The following RFWD3 variants were observed in gnomAD, a reference collection of about 807,000 sequenced individuals.
RFWD3 encodes the protein E3 ubiquitin-protein ligase RFWD3.
In RFWD3, 65 loss-of-function variants were observed where a neutral mutation model predicts 87.7. The observed-to-expected ratio is 0.74, with a 90% CI of 0.61 to 0.91. The LOEUF is 0.91. RFWD3 is among the 40% of genes least tolerant of loss of function. The pLI is 0.00. For synonymous variants in RFWD3, 433 were observed against 352.8 expected (o/e 1.23, Z -2.55); for missense variants, 1,078 against 938.5 (o/e 1.15, Z -1.94).
chr16:74,665,635 T>C (rs1287196728), intron 1 of RFWD3, among the ~76,000 whole-genome samples: 2 of 152,082 alleles, frequency 1.3e-5, no homozygotes, highest in African/African-American at 4.8e-5. Flanking sequence ...GGCGCGCACC[T>C]GTGGTCCCAG....
intron 8 of RFWD3, among the ~76,000 whole-genome samples, chr16:74,635,094 C>T (rs1262883815): frequency 6.6e-6 from 1 of 152,006 alleles, no homozygotes; most frequent in Admixed American, 6.6e-5. Context: ...TCCTGGCTAA[C>T]ACGGTGAAAC....
At position 74,644,377 on chromosome 16, in the gene RFWD3, T is replaced by C; in HGVS notation, c.1064A>G (p.Gln355Arg). 2.5e-6 allele frequency: 4 copies of C among 1,614,188 alleles called. No homozygotes were observed. Among genetic ancestry groups the C allele is most frequent in the Non-Finnish European group, 2.5e-6 (3 of 1,180,032 alleles). Residue 355 changes from glutamine (Q) to arginine (R), a missense_variant, in exon 6 of 13, where the codon CAG (glutamine) becomes CGG (arginine). Physicochemically the swap from Gln to Arg is conservative, Grantham distance 43. Coordinates refer to ENST00000361070, the MANE Select transcript of RFWD3 (RefSeq NM_018124.4). ...TACCACCTACCTTTTCATGCGCTCC[T>C]GTTCACTAGTGTCCAAAGCTCTCAG... ...RTLRALDTSE[Q>R]ERMKSSLLKE...
At chr16:74,650,664 A>T (rs1791002027) in intron 3 of RFWD3, among the ~76,000 whole-genome samples, 1 of 151,974 alleles carries the variant, frequency 6.6e-6, no homozygotes, top group Non-Finnish European at 1.5e-5. Flanking sequence ...AATTAGCTGA[A>T]ATTTTTCTAT....
chr16:74,634,904 G>A (rs1269273279), intron 8 of RFWD3, among the ~76,000 whole-genome samples: 1 of 152,110 alleles, frequency 6.6e-6, no homozygotes, highest in African/African-American at 2.4e-5. Flanking sequence ...TACTTTCGGA[G>A]GCTGAGATGG....
At chr16:74,647,486 C>T (rs1960240504) in intron 4 of RFWD3, among the ~76,000 whole-genome samples, 1 of 152,142 alleles carries the variant, frequency 6.6e-6, no homozygotes, top group African/African-American at 2.4e-5. Flanking sequence ...TGGGGTTTCA[C>T]CCTGTTGGCC....
chr16:74,625,134 A>C (rs1958889371), intron 12 of RFWD3, among the ~76,000 whole-genome samples: 1 of 150,844 alleles, frequency 6.6e-6, no homozygotes, highest in Non-Finnish European at 1.5e-5. Flanking sequence ...CAGGAGGTGG[A>C]GGTTGTAGTA....
chr16:74,624,929 C>G (rs1191439007), intron 12 of RFWD3, among the ~76,000 whole-genome samples: 2 of 152,142 alleles, frequency 1.3e-5, no homozygotes, highest in African/African-American at 4.8e-5. Flanking sequence ...TTTGAGGCTA[C>G]AGTGAACCAT....
intron 8 of RFWD3, among the ~76,000 whole-genome samples, chr16:74,633,289 A>AAG (rs1555525459): frequency 2.6e-5 from 4 of 151,080 alleles, no homozygotes; most frequent in Non-Finnish European, 5.9e-5. Context: ...GAAAAAAAAA[A>AAG]AAAAGAAAAG....
In RFWD3 at chr16:74,626,550, T is replaced by C; in HGVS notation, c.1974A>G (p.Lys658=). 6.2e-7 allele frequency: 1 copy of C among 1,613,804 alleles called. No homozygotes were observed. Residue 658 remains lysine (K), a synonymous_variant, in exon 12 of 13, where the codon AAA becomes AAG. Transcript: ENST00000361070. ...RHCLVTYRPD[K]NHTTIRSVLM... is the part of the protein sequence containing the mutation. Reference sequence around the variant, plus strand: ...GCACACTTCGTATGGTGGTGTGATTTTTATCTATGGGACAGAGAAATCAGT... The same window carrying C: ...GCACACTTCGTATGGTGGTGTGATTCTTATCTATGGGACAGAGAAATCAGT...
chr16:74,630,778 T>C lies in RFWD3; in HGVS notation c.1754+3A>G, dbSNP rs757478195. ...ACCAGGAAAAGAGTGAGTGGCTCCC[T>C]ACCTGGCTTTCTGAGCTACTAACTC... On this transcript the variant is annotated splice_donor_region_variant and intron_variant, in intron 10 of 12. Transcript: ENST00000361070. 1.4e-5 allele frequency: 23 copies of C among 1,593,246 alleles called. 1 individual carries two copies. In the African/African-American group the frequency reaches 1.8e-4, roughly 12 times the overall value.
chr16:74,642,200 G>A (rs530316783), intron 6 of RFWD3, among the ~76,000 whole-genome samples: 9 of 152,014 alleles, frequency 5.9e-5, no homozygotes, highest in Admixed American at 5.9e-4. Context: ...TCAGCTTACA[G>A]TAACCTCCGC....
Position 74,661,207 on chromosome 16 carries a change from T to C in RFWD3, c.243A>G (p.Thr81=), listed in dbSNP as rs765255045. 5 of 1,614,250 alleles carry C rather than the reference T, an allele frequency of 3.1e-6. No homozygotes were observed. Among genetic ancestry groups the C allele is most frequent in the Non-Finnish European group, 4.2e-6 (5 of 1,180,040 alleles). ...TGTCTTCTCCCAAGACCTCCACTTC[T>C]GTCAGGTCAACAGACAGTTGCGGAG... is the stretch of plus-strand genomic sequence containing the variant. ...QPAPQLSVDL[T]EVEVLGEDTV... Residue 81 remains threonine, a synonymous_variant, in exon 2 of 13, where the codon ACA becomes ACG. Coordinates refer to ENST00000361070, the MANE Select transcript of RFWD3 (RefSeq NM_018124.4).
intron 4 of RFWD3, among the ~76,000 whole-genome samples, chr16:74,645,619 C>A (rs1960059176): frequency 2.0e-5 from 3 of 152,040 alleles, no homozygotes; most frequent in Admixed American, 1.3e-4. Context: ...TCCCAAAGTG[C>A]TGGGATTATA....
At chr16:74,634,470 G>A (rs1210080787) in intron 8 of RFWD3, among the ~76,000 whole-genome samples, 2 of 151,746 alleles carry the variant, frequency 1.3e-5, no homozygotes, top group African/African-American at 2.4e-5. Context: ...CAATAGCCTC[G>A]ATCTCCTAGG....
intron 4 of RFWD3, 124 bp downstream of exon 4, chr16:74,649,008 G>A (rs1250954719): frequency 2.0e-6 from 1 of 505,788 alleles, no homozygotes; most frequent in Non-Finnish European, 3.4e-6. Flanking sequence ...TTTGAGCCCA[G>A]GAGTTTGAAA....
rs1465499146 is a variant in RFWD3, at chr16:74,643,681, T to C, written c.1079+681A>G. Reference sequence around the variant, plus strand: ...GTTACTAGCAACTGTTTTTTTTTTTTTTTTTTTTTTTTGAGACGGAGTCTT... The same window carrying C: ...GTTACTAGCAACTGTTTTTTTTTTTCTTTTTTTTTTTTGAGACGGAGTCTT... On this transcript the variant is annotated intron_variant, in intron 6 of 12. Transcript: ENST00000361070. 2.3e-4 allele frequency among the ~76,000 whole-genome samples: 26 copies of C among 114,576 alleles called. 1 individual carries two copies. Among genetic ancestry groups the C allele is most frequent in the Non-Finnish European group, 3.4e-4 (17 of 49,290 alleles). 75.2% of individuals were successfully genotyped at this position (114,576 alleles called of 152,430 possible). A position where few individuals can be genotyped will look rare whatever the true frequency, so the allele number is the denominator to read the frequency against.
intron 8 of RFWD3, among the ~76,000 whole-genome samples, chr16:74,633,221 G>C (rs1295833908): frequency 6.9e-6 from 1 of 145,656 alleles, no homozygotes; most frequent in Non-Finnish European, 1.5e-5. Context: ...AGGTTGTAGT[G>C]AGACAAGATT....
At chr16:74,656,373 G>T (rs978017265) in intron 2 of RFWD3, among the ~76,000 whole-genome samples, 2 of 151,596 alleles carry the variant, frequency 1.3e-5, no homozygotes, top group Non-Finnish European at 2.9e-5. Flanking sequence ...TAGCTGTGGG[G>T]AAAAGCTTTT....
At chr16:74,638,426 T>C (rs570610426) in intron 6 of RFWD3, among the ~76,000 whole-genome samples, 1 of 152,052 alleles carries the variant, frequency 6.6e-6, no homozygotes, top group Admixed American at 6.5e-5. Flanking sequence ...CCAATTAGAA[T>C]TAAGGAAAAA....
Sources: gnomAD v4.1 joint callset for allele counts (sites outside exome capture counted in the v4.1 genomes callset) on GRCh38, gnomAD v4.1.1 for gene constraint, MANE v1.5 for transcripts, NCBI Gene and HGNC (gene_info 2026-07-23, HGNC 2026-07-21) for gene names.